Variants in ZRANB3 observed in about 807,000 individuals in gnomAD.
ZRANB3 encodes the protein zinc finger RANBP2-type containing 3.
ZRANB3 carries 125 observed loss-of-function variants against 133.8 expected under a neutral mutation model. The ratio of observed to expected loss-of-function variants is 0.93; its 90% CI spans 0.81 to 1.08. The LOEUF is 1.08. Among genes scored for constraint, ZRANB3 ranks in the 50% least tolerant of loss-of-function variants. ZRANB3 has a pLI of 0.00. For synonymous variants in ZRANB3, 387 were observed against 432.7 expected (o/e 0.89, Z 1.31); for missense variants, 1,229 against 1,275.5 (o/e 0.96, Z 0.56).
chr2:135,317,280 T>C (rs577149760), intron 6 of ZRANB3, among the ~76,000 whole-genome samples: 6 of 152,178 alleles, frequency 3.9e-5, no homozygotes, highest in African/African-American at 7.2e-5. Flanking sequence ...GGAAAATACT[T>C]GCCAATACCT....
chr2:135,433,591 C>A (rs962611373), intron 2 of ZRANB3, among the ~76,000 whole-genome samples: 2 of 152,176 alleles, frequency 1.3e-5, no homozygotes, highest in African/African-American at 2.4e-5. Context: ...GTGGCTCACA[C>A]CTGTAATCTC....
At chr2:135,528,595 C>G (rs1047099437) in intron 1 of ZRANB3, among the ~76,000 whole-genome samples, 1 of 151,938 alleles carries the variant, frequency 6.6e-6, no homozygotes, top group Non-Finnish European at 1.5e-5. Context: ...TGATGGCCAT[C>G]ATTACTATTT....
chr2:135,502,342 C>G (rs1479022086), intron 2 of ZRANB3, among the ~76,000 whole-genome samples: 2 of 152,140 alleles, frequency 1.3e-5, no homozygotes, highest in Non-Finnish European at 2.9e-5. Context: ...TTTATTTTCT[C>G]ATTTTGCTAC....
At chr2:135,468,841 C>CT (rs1317117128) in intron 2 of ZRANB3, among the ~76,000 whole-genome samples, 1 of 152,172 alleles carries the variant, frequency 6.6e-6, no homozygotes, top group Non-Finnish European at 1.5e-5. Flanking sequence ...GTGGAGAGAA[C>CT]TAAGGATCAG....
At chr2:135,244,883 C>A (rs1695717927) in intron 12 of ZRANB3, among the ~76,000 whole-genome samples, 3 of 152,194 alleles carry the variant, frequency 2.0e-5, no homozygotes. Context: ...CTGATGCTTA[C>A]TTCTGCCATT....
intron 9 of ZRANB3, among the ~76,000 whole-genome samples, chr2:135,272,323 G>C (rs1680556202): frequency 6.6e-6 from 1 of 150,894 alleles, no homozygotes; most frequent in East Asian, 1.9e-4. Flanking sequence ...TGTGAGAAAA[G>C]AGAAAGATGA....
rs1448812036 is a variant in ZRANB3 at position 135,208,974 on chromosome 2, T to C, written c.2500A>G (p.Ile834Val). ...GCTACGGCAACATCTTCTTTGGTTATGTATCTAAAACAATGATATGTTAAA... is the reference window on the plus strand; with the variant it reads ...GCTACGGCAACATCTTCTTTGGTTACGTATCTAAAACAATGATATGTTAAA... ...QTKQNCTKRY[I>V]TKEDVAVASM... is the part of the protein sequence containing the mutation. Residue 834 changes from isoleucine (I) to valine (V), a missense_variant, in exon 18 of 21, where the codon ATA (isoleucine) becomes GTA (valine). Ile to Val is a conservative substitution (Grantham distance 29). Transcript: ENST00000264159. 2 of 1,613,676 alleles carry C rather than the reference T, an allele frequency of 1.2e-6. No homozygotes were observed. The highest frequency in any genetic ancestry group is 2.2e-5 in the South Asian group (2 of 91,068).
chr2:135,357,420 C>A (rs1008177119), intron 3 of ZRANB3, among the ~76,000 whole-genome samples: 16 of 152,040 alleles, frequency 1.1e-4, no homozygotes, highest in Non-Finnish European at 4.4e-5. Flanking sequence ...CTCAGCCTCC[C>A]GAGTAGCTGG....
At chr2:135,399,813 C>T (rs1357357107) in intron 2 of ZRANB3, among the ~76,000 whole-genome samples, 1 of 152,118 alleles carries the variant, frequency 6.6e-6, no homozygotes, top group Non-Finnish European at 1.5e-5. Flanking sequence ...TCTATCAATT[C>T]GAGACTACCA....
At chr2:135,422,848 T>G (rs1688918158) in intron 2 of ZRANB3, among the ~76,000 whole-genome samples, 1 of 152,224 alleles carries the variant, frequency 6.6e-6, no homozygotes, top group Admixed American at 6.5e-5. Context: ...CTAGAGAGGC[T>G]GAAACAGAGT....
Position 135,269,145 on chromosome 2 carries a change from A to C in ZRANB3, c.1207-4T>G. 1 of 1,585,972 alleles carries C rather than the reference A, an allele frequency of 6.3e-7. No individual in the cohort carries two copies. Among genetic ancestry groups the C allele is most frequent in the Non-Finnish European group, 8.6e-7 (1 of 1,168,842 alleles). On this transcript the variant is annotated splice_region_variant and splice_polypyrimidine_tract_variant and intron_variant, in intron 10 of 20. Coordinates refer to ENST00000264159, the MANE Select transcript of ZRANB3 (RefSeq NM_032143.4). ...TTGCTGCAGTAAATGTTAATCCCTA[A>C]GTGAAATAAAGCAAATAAATTGAGA...
intron 3 of ZRANB3, among the ~76,000 whole-genome samples, chr2:135,389,879 T>TTC (rs1391239406): frequency 2.2e-5 from 3 of 135,666 alleles, no homozygotes; most frequent in Non-Finnish European, 4.8e-5. Flanking sequence ...TGTTATTCTT[T>TTC]TTTTTTTTTT....
At chr2:135,453,983 G>A (rs890216989) in intron 2 of ZRANB3, among the ~76,000 whole-genome samples, 29 of 152,278 alleles carry the variant, frequency 1.9e-4, no homozygotes, top group African/African-American at 5.5e-4. Flanking sequence ...TTGGACTTAC[G>A]GTTCCACATG....
chr2:135,223,660 A>G (rs1353664020), intron 15 of ZRANB3, among the ~76,000 whole-genome samples: 2 of 152,106 alleles, frequency 1.3e-5, no homozygotes, highest in Non-Finnish European at 2.9e-5. Context: ...CTCCATTTTA[A>G]TTTCAAATAT....
intron 3 of ZRANB3, among the ~76,000 whole-genome samples, chr2:135,367,202 C>T (rs1245630984): frequency 6.6e-6 from 1 of 152,112 alleles, no homozygotes; most frequent in Non-Finnish European, 1.5e-5. Flanking sequence ...GGAGTGGTGG[C>T]CCATAGTGTG....
intron 1 of ZRANB3, among the ~76,000 whole-genome samples, chr2:135,528,849 T>C (rs1694271080): frequency 6.8e-6 from 1 of 147,088 alleles, no homozygotes; most frequent in African/African-American, 2.6e-5. Context: ...ACATCACTCG[T>C]TAGTATTGGA....
intron 2 of ZRANB3, among the ~76,000 whole-genome samples, chr2:135,460,820 T>G (rs1690732750): frequency 6.6e-6 from 1 of 152,124 alleles, no homozygotes; most frequent in East Asian, 1.9e-4. Flanking sequence ...ATTTTTGCCT[T>G]AAAATAAATA....
At chr2:135,402,019 T>G (rs985605829) in intron 2 of ZRANB3, among the ~76,000 whole-genome samples, 1 of 152,086 alleles carries the variant, frequency 6.6e-6, no homozygotes. Context: ...TTGTATTTAA[T>G]TTTGAAAATT....
intron 2 of ZRANB3, among the ~76,000 whole-genome samples, chr2:135,409,776 G>A (rs1442441570): frequency 6.6e-6 from 1 of 152,154 alleles, no homozygotes; most frequent in African/African-American, 2.4e-5. Context: ...GTTCAGTAAT[G>A]TTTCAGGATA....
Sources: allele counts gnomAD v4.1 joint callset (sites outside exome capture counted in the v4.1 genomes callset), GRCh38; gene constraint gnomAD v4.1.1; transcripts MANE v1.5; gene names NCBI Gene and HGNC (gene_info 2026-07-23, HGNC 2026-07-21).